Variants in KCNH5 observed in about 807,000 individuals in gnomAD.
KCNH5 encodes the protein potassium voltage-gated channel subfamily H member 5, also known as voltage-gated delayed rectifier potassium channel KCNH5.
Under a neutral mutation model 96.1 loss-of-function variants are expected in KCNH5, and 46 were observed. The ratio of observed to expected loss-of-function variants is 0.48; its 90% CI spans 0.38 to 0.61. The LOEUF (loss-of-function observed/expected upper bound fraction) is 0.61. Ranked by LOEUF, KCNH5 falls within the 20% of genes least tolerant of loss-of-function variation. KCNH5 has a pLI of 0.00. For missense variants in KCNH5, 907 were observed against 1,225.8 expected (o/e 0.74, Z 3.88); for synonymous variants, 439 against 449.8 (o/e 0.98, Z 0.30).
chr14:62,967,815 T>C (rs1159500452), intron 6 of KCNH5, among the ~76,000 whole-genome samples: 2 of 152,226 alleles, frequency 1.3e-5, no homozygotes, highest in African/African-American at 4.8e-5. Flanking sequence ...GAGTTAGCTG[T>C]AACATACAAA....
rs143506027 is a variant in KCNH5 at position 63,037,241 on chromosome 14, C to A, written c.73+7873G>T. ...GAAACTAGGTACAAGTAAGTTAAGTCACCGAGCTAGTAAGTGTCAGAGCCA... is the reference window on the plus strand; with the variant it reads ...GAAACTAGGTACAAGTAAGTTAAGTAACCGAGCTAGTAAGTGTCAGAGCCA... On this transcript the variant is annotated intron_variant, in intron 1 of 10. Transcript: ENST00000322893. 3.4e-3 allele frequency among the ~76,000 whole-genome samples: 519 copies of A among 152,216 alleles called. 9 individuals carry two copies. Among genetic ancestry groups the A allele is most frequent in the Admixed American group, 0.031 (473 of 15,272 alleles).
rs372839271 is a variant in KCNH5 at position 62,903,424 on chromosome 14, CAAGG to C, written c.1369+46705_1369+46708del. Among the ~76,000 whole-genome samples the C allele has an allele frequency of 3.6e-4, 55 of 152,244 alleles. 3 individuals are homozygous for C. In the South Asian group the frequency reaches 7.5e-3, roughly 21 times the overall value. On this transcript the variant is annotated intron_variant, in intron 7 of 10. Coordinates refer to ENST00000322893, the MANE Select transcript of KCNH5 (RefSeq NM_139318.5). Reference sequence around the variant, plus strand: ...AATACAGCGACTGTCCATTTTGAAGCAAGGAACACATACTATTCTCAAATTGGAA... The same window carrying C: ...AATACAGCGACTGTCCATTTTGAAGCAACACATACTATTCTCAAATTGGAA...
At chr14:62,870,367 G>A (rs930273714) in intron 7 of KCNH5, among the ~76,000 whole-genome samples, 18 of 152,058 alleles carry the variant, frequency 1.2e-4, no homozygotes, top group African/African-American at 4.1e-4. Context: ...CAAATGTCAT[G>A]ACTTCTTCAT....
chr14:62,826,658 G>A (rs1232065409), intron 8 of KCNH5, among the ~76,000 whole-genome samples: 1 of 151,636 alleles, frequency 6.6e-6, no homozygotes, highest in African/African-American at 2.4e-5. Flanking sequence ...TAAAACTTTT[G>A]TATTAAAACT....
intron 7 of KCNH5, among the ~76,000 whole-genome samples, chr14:62,912,575 T>A (rs1003375575): frequency 1.3e-5 from 2 of 152,000 alleles, no homozygotes; most frequent in African/African-American, 4.8e-5. Context: ...CCCAGCTATT[T>A]TTTGTATTTT....
intron 9 of KCNH5, among the ~76,000 whole-genome samples, chr14:62,791,895 G>C (rs893781545): frequency 6.6e-6 from 1 of 151,438 alleles, no homozygotes; most frequent in Non-Finnish European, 1.5e-5. Flanking sequence ...AGAAATACTC[G>C]ACTTGAACTG....
intron 10 of KCNH5, among the ~76,000 whole-genome samples, chr14:62,760,882 T>G (rs942324169): frequency 2.6e-5 from 4 of 152,236 alleles, no homozygotes; most frequent in Admixed American, 2.0e-4. Flanking sequence ...TATTAAGAAT[T>G]CAGTCTAACC....
intron 7 of KCNH5, among the ~76,000 whole-genome samples, chr14:62,883,896 A>G (rs1888542657): frequency 6.6e-6 from 1 of 152,168 alleles, no homozygotes; most frequent in African/African-American, 2.4e-5. Flanking sequence ...CTTTGCCCCA[A>G]TTTACATATT....
intron 7 of KCNH5, among the ~76,000 whole-genome samples, chr14:62,851,745 T>C (rs1887811196): frequency 6.6e-6 from 1 of 152,156 alleles, no homozygotes; most frequent in African/African-American, 2.4e-5. Flanking sequence ...TCAGCTATCA[T>C]AAATTGTCAA....
intron 1 of KCNH5, among the ~76,000 whole-genome samples, chr14:63,020,843 T>C (rs1054799863): frequency 6.6e-6 from 1 of 152,092 alleles, no homozygotes; most frequent in Non-Finnish European, 1.5e-5. Context: ...GACCAGAGAA[T>C]CAGAAGTTTT....
chr14:62,932,116 A>T (rs1889591818), intron 7 of KCNH5, among the ~76,000 whole-genome samples: 1 of 152,164 alleles, frequency 6.6e-6, no homozygotes, highest in Admixed American at 6.6e-5. Context: ...CACAGCCACA[A>T]ATCAGCCAAA....
At chr14:62,793,299 G>A (rs1021509331) in intron 9 of KCNH5, among the ~76,000 whole-genome samples, 5 of 151,768 alleles carry the variant, frequency 3.3e-5, no homozygotes, top group African/African-American at 1.2e-4. Context: ...CTCATATTAA[G>A]TGTTCTTACC....
At chr14:62,770,147 C>T (rs866017359) in intron 10 of KCNH5, among the ~76,000 whole-genome samples, 1 of 152,284 alleles carries the variant, frequency 6.6e-6, no homozygotes, top group South Asian at 2.1e-4. Flanking sequence ...CATTGTCACT[C>T]CTAGACCATT....
intron 1 of KCNH5, among the ~76,000 whole-genome samples, chr14:63,021,439 G>A (rs1410436590): frequency 6.6e-6 from 1 of 151,990 alleles, no homozygotes; most frequent in East Asian, 1.9e-4. Flanking sequence ...CATTCATGCT[G>A]CCCACTATTC....
intron 7 of KCNH5, among the ~76,000 whole-genome samples, chr14:62,920,165 G>A (rs1211006985): frequency 6.6e-6 from 1 of 152,044 alleles, no homozygotes; most frequent in East Asian, 1.9e-4. Context: ...AACTCCTATG[G>A]GGGCAAATGG....
chr14:62,997,180 A>T (rs1181542438), intron 4 of KCNH5, among the ~76,000 whole-genome samples: 1 of 152,214 alleles, frequency 6.6e-6, no homozygotes, highest in Non-Finnish European at 1.5e-5. Flanking sequence ...TTTGCGTTAA[A>T]AACAATCCAA....
chr14:63,045,286 G>C lies in KCNH5; in HGVS notation c.-100C>G, dbSNP rs1891903886. 2 of 985,026 alleles carry C rather than the reference G, an allele frequency of 2.0e-6. No individual in the cohort carries two copies. The highest frequency in any genetic ancestry group is 3.1e-4 in the Middle Eastern group (1 of 3,264). The allele number at this position is 985,026 out of a possible 1,614,324, so 61.0% of individuals were successfully genotyped here. ...GGAGGAAAAGGTGGAAGAGAAGATT[G>C]AGCCGAAAGAAGAGGGGGCGCGGCG... On this transcript the variant is annotated 5_prime_UTR_variant, in exon 1 of 11. It introduces an in-frame stop codon into an upstream open reading frame of the 5' UTR. Coordinates refer to ENST00000322893, the MANE Select transcript of KCNH5 (RefSeq NM_139318.5).
At chr14:62,908,909 C>G (rs190269339) in intron 7 of KCNH5, among the ~76,000 whole-genome samples, 2 of 146,866 alleles carry the variant, frequency 1.4e-5, no homozygotes, top group Admixed American at 7.0e-5. Flanking sequence ...GGGATGCTGA[C>G]TCATTGACCT....
chr14:62,849,712 G>T lies in KCNH5; in HGVS notation c.1510C>A (p.Arg504=). The change falls in exon 8 of 11, where the codon CGA becomes AGA. Residue 504 remains arginine, a synonymous_variant. Coordinates refer to ENST00000322893, the MANE Select transcript of KCNH5 (RefSeq NM_139318.5). ...GTTGAGACAATATAATCCATGACTC[G>T]CTCACTAAGGCCTTTTGGGACCTGA... ...LYQVPKGLSE[R]VMDYIVSTWS... is the part of the protein sequence containing the mutation. The T allele has an allele frequency of 6.8e-6, 11 of 1,613,716 alleles. No individual in the cohort carries two copies. Among genetic ancestry groups the T allele is most frequent in the Non-Finnish European group, 9.3e-6 (11 of 1,179,780 alleles).
Sources: allele counts gnomAD v4.1 joint callset (sites outside exome capture counted in the v4.1 genomes callset), GRCh38; gene constraint gnomAD v4.1.1; transcripts MANE v1.5; gene names NCBI Gene and HGNC (gene_info 2026-07-23, HGNC 2026-07-21).